The following HNRNPUL2 variants were observed in gnomAD, a reference collection of about 807,000 sequenced individuals.
HNRNPUL2 encodes heterogeneous nuclear ribonucleoprotein U like 2, also known as heterogeneous nuclear ribonucleoprotein U-like protein 2.
A neutral mutation model predicts 102.2 loss-of-function variants in HNRNPUL2; 27 were observed. The observed-to-expected ratio is 0.26, with a 90% CI of 0.19 to 0.36. The LOEUF (loss-of-function observed/expected upper bound fraction) is 0.36. Ranked by LOEUF, HNRNPUL2 falls within the 10% of genes least tolerant of loss-of-function variation. The probability of loss-of-function intolerance (pLI) is 1.00; values close to 1 mark genes in which losing one functional copy is unlikely to be tolerated. For synonymous variants in HNRNPUL2, 458 were observed against 387.2 expected (o/e 1.18, Z -2.15); for missense variants, 936 against 981.1 (o/e 0.95, Z 0.61).
At chr11:62,724,512 T>C in intron 1 of HNRNPUL2, 86 bp from the exon 2 acceptor site, 1 of 1,462,308 alleles carries the variant, frequency 6.8e-7, no homozygotes, top group Non-Finnish European at 9.5e-7. Context: ...ACAGGGAATC[T>C]GAGAATCTGT....
Position 62,715,586 on chromosome 11 carries a change from G to T in HNRNPUL2, c.2077C>A (p.Arg693=), listed in dbSNP as rs758028336. 1 of 1,612,562 alleles carries T rather than the reference G, an allele frequency of 6.2e-7. No homozygotes were observed. Among genetic ancestry groups the T allele is most frequent in the South Asian group, 1.1e-5 (1 of 91,012 alleles). The change falls in exon 13 of 14, where the codon CGA becomes AGA. Residue 693 remains arginine (R), a synonymous_variant. Coordinates refer to ENST00000301785, the MANE Select transcript of HNRNPUL2 (RefSeq NM_001079559.3). ...NRGGYRNFYD[R]YRGDYDRFYG... ...AATCGATCATAGTCTCCCCTGTATC[G>T]ATCATAGAAATTACGGTAACCCTGA...
In HNRNPUL2 at chr11:62,723,970, G is replaced by A; in HGVS notation, c.695C>T (p.Pro232Leu). The A allele has an allele frequency of 6.2e-7, 1 of 1,613,504 alleles. No individual in the cohort carries two copies. Among genetic ancestry groups the A allele is most frequent in the Non-Finnish European group, 8.5e-7 (1 of 1,179,408 alleles). The change falls in exon 3 of 14, where the codon CCT (proline) becomes CTT (leucine). Residue 232 changes from proline to leucine, a missense_variant. By Grantham distance (98) the Pro-to-Leu change is moderately conservative (BLOSUM62 -3). Around this residue, in one of 2 missense-constraint regions of HNRNPUL2, gnomAD observed 609 missense variants for 713.0 expected, o/e 0.85. Transcript: ENST00000301785. The stretch of plus-strand genomic sequence containing the variant: ...CTCCTCATCTTTTGCCTCTTCTTCA[G>A]GAGGCAGTGGAGACTTTGAGCTATA... The part of the protein sequence containing the change: ...YHSRSKSPLP[P>L]EEEAKDEEED...
intron 9 of HNRNPUL2, 128 bp downstream of exon 9, chr11:62,721,166 CA>C (rs2083699718): frequency 9.3e-6 from 8 of 859,490 alleles, no homozygotes; most frequent in Admixed American, 2.8e-5. Context: ...CCTCTGAGTT[CA>C]AAAAACATTG....
In HNRNPUL2 at chr11:62,722,099, G is replaced by A. The variant is rs374190723; in HGVS notation, c.1359+18C>T. The A allele has an allele frequency of 9.3e-6, 15 of 1,611,138 alleles. No homozygotes were observed. The highest frequency in any genetic ancestry group is 5.5e-5 in the South Asian group (5 of 90,972). The stretch of plus-strand genomic sequence containing the variant: ...TGCAAAGCATACAACCTCAGTGTTC[G>A]TATACTGTTTGGCATACCTCACATT... On this transcript the variant is annotated intron_variant, in intron 7 of 13. Transcript: ENST00000301785.
intron 1 of HNRNPUL2, among the ~76,000 whole-genome samples, chr11:62,726,291 T>C (rs1307399263): frequency 2.6e-5 from 4 of 152,138 alleles, no homozygotes; most frequent in Non-Finnish European, 5.9e-5. Flanking sequence ...CCCAATTGCT[T>C]AGCACTTTCT....
At chr11:62,719,056 G>A (rs552366204) in intron 10 of HNRNPUL2, among the ~76,000 whole-genome samples, 3 of 152,014 alleles carry the variant, frequency 2.0e-5, no homozygotes, top group Non-Finnish European at 4.4e-5. Flanking sequence ...GTGAGCTCCT[G>A]ACCTTGTAAT....
In HNRNPUL2 at chr11:62,722,655, T is replaced by C. The variant is rs2083712296; in HGVS notation, c.1041A>G (p.Gln347=). The change falls in exon 6 of 14, where the codon CAA becomes CAG. Residue 347 remains glutamine, a synonymous_variant. Transcript: ENST00000301785. ...CAAAAGTCTGGCCAAATTCCTCAAATTGTCCATTTTCTGCCTTGAGTCCTC... is the reference window on the plus strand; with the variant it reads ...CAAAAGTCTGGCCAAATTCCTCAAACTGTCCATTTTCTGCCTTGAGTCCTC... ...DGRGLKAENG[Q]FEEFGQTFGE... is the part of the protein sequence containing the mutation. 1 of 1,614,134 alleles carries C rather than the reference T, an allele frequency of 6.2e-7. No individual in the cohort carries two copies. Among genetic ancestry groups the C allele is most frequent in the Non-Finnish European group, 8.5e-7 (1 of 1,180,022 alleles).
In HNRNPUL2 at chr11:62,713,473, A is replaced by G. The variant is rs2083634410; in HGVS notation, c.*1826T>C. On this transcript the variant is annotated 3_prime_UTR_variant, in exon 14 of 14. Coordinates refer to ENST00000301785, the MANE Select transcript of HNRNPUL2 (RefSeq NM_001079559.3). ...TCACTCCACTGCCACACAGAAATCC[A>G]TTTGAGGACACCGCAGGGAAGCAGG... is the stretch of plus-strand genomic sequence containing the variant. 6.6e-6 allele frequency: 1 copy of G among 152,250 alleles called. No individual in the cohort carries two copies. Among genetic ancestry groups the G allele is most frequent in the South Asian group, 2.1e-4 (1 of 4,832 alleles). 9.4% of individuals were successfully genotyped at this position (152,250 alleles called of 1,614,324 possible).
At chr11:62,715,630 AG>A (rs1378260532) in intron 12 of HNRNPUL2, 23 bp from the exon 13 acceptor site, 1 of 1,575,844 alleles carries the variant, frequency 6.3e-7, no homozygotes, top group African/African-American at 1.3e-5. Flanking sequence ...AAGAAAAAGG[AG>A]TGAAGGTTTA....
At position 62,722,804 on chromosome 11, in the gene HNRNPUL2, T is replaced by A. The variant is rs779910540; in HGVS notation, c.982+9A>T. 6.2e-7 allele frequency: 1 copy of A among 1,613,438 alleles called. No homozygotes were observed. Among genetic ancestry groups the A allele is most frequent in the East Asian group, 2.2e-5 (1 of 44,862 alleles). ...AACACTAATGAGGAACTTAAAGAAA[T>A]AACTTTACCAAGCTGTGGACGGGAA... On this transcript the variant is annotated intron_variant, in intron 5 of 13. Coordinates refer to ENST00000301785, the MANE Select transcript of HNRNPUL2 (RefSeq NM_001079559.3).
At chr11:62,720,226 A>G in intron 9 of HNRNPUL2, 35 bp from the exon 10 acceptor site, 1 of 1,598,254 alleles carries the variant, frequency 6.3e-7, no homozygotes, top group Non-Finnish European at 8.6e-7. Flanking sequence ...GTTTAGGAAG[A>G]AAATTATCAC....
chr11:62,723,773 A>G (rs2083722707), intron 3 of HNRNPUL2, 47 bp from the exon 4 acceptor site: 1 of 1,612,674 alleles, frequency 6.2e-7, no homozygotes, highest in South Asian at 1.1e-5. Context: ...CAATACTTGT[A>G]AGCCGCCAAC....
chr11:62,722,374 C>T lies in HNRNPUL2; in HGVS notation c.1102G>A (p.Glu368Lys), dbSNP rs2083709520. The change falls in exon 7 of 14, where the codon GAG becomes AAG. Residue 368 changes from glutamate to lysine, a missense_variant. This residue lies in a region of HNRNPUL2 where 609 missense variants were observed against 713.0 expected (regional missense o/e 0.85). Transcript: ENST00000301785. ...NDVIGCFANFETEEVELSFSK... is the reference protein window; with the variant it reads ...NDVIGCFANFKTEEVELSFSK... ...AAGGAAAGTTCTACTTCTTCAGTCTCAAAATTCTACAATGACAAGGGACAA... is the reference window on the plus strand; with the variant it reads ...AAGGAAAGTTCTACTTCTTCAGTCTTAAAATTCTACAATGACAAGGGACAA... The T allele has an allele frequency of 1.9e-6, 3 of 1,613,432 alleles. No individual in the cohort carries two copies. The highest frequency in any genetic ancestry group is 2.5e-6 in the Non-Finnish European group (3 of 1,179,658).
At chr11:62,719,194 A>T (rs1259167319) in intron 10 of HNRNPUL2, among the ~76,000 whole-genome samples, 2 of 152,110 alleles carry the variant, frequency 1.3e-5, no homozygotes, top group African/African-American at 4.8e-5. Context: ...GTATGCCTAT[A>T]ATCTAAGCAC....
Position 62,723,988 on chromosome 11 carries a change from G to A in HNRNPUL2, c.677C>T (p.Ser226Leu), listed in dbSNP as rs780214569. ...TTCTTCAGGAGGCAGTGGAGACTTT[G>A]AGCTATATATGTAAGATAGAAAAGA... The part of the protein sequence containing the change: ...EFREEAYHSR[S>L]KSPLPPEEEA... The change falls in exon 3 of 14, where the codon TCA becomes TTA. Residue 226 changes from serine to leucine, a missense_variant and splice_region_variant. Around this residue, in one of 2 missense-constraint regions of HNRNPUL2, gnomAD observed 609 missense variants for 713.0 expected, o/e 0.85. Coordinates refer to ENST00000301785, the MANE Select transcript of HNRNPUL2 (RefSeq NM_001079559.3). The A allele has an allele frequency of 1.2e-6, 2 of 1,612,468 alleles. No individual in the cohort carries two copies. The highest frequency in any genetic ancestry group is 1.7e-6 in the Non-Finnish European group (2 of 1,178,566).
Position 62,722,908 on chromosome 11 carries a change from C to A in HNRNPUL2, c.892-5G>T. 6.2e-7 allele frequency: 1 copy of A among 1,612,776 alleles called. No homozygotes were observed. The highest frequency in any genetic ancestry group is 8.5e-7 in the Non-Finnish European group (1 of 1,178,864). ...CATTGGGAGATTCTGGGTTACCTGG[C>A]CAAGTCAGAAAGGGAACTATTAGAT... On this transcript the variant is annotated splice_region_variant and splice_polypyrimidine_tract_variant and intron_variant, in intron 4 of 13. Coordinates refer to ENST00000301785, the MANE Select transcript of HNRNPUL2 (RefSeq NM_001079559.3).
At position 62,727,381 on chromosome 11, in the gene HNRNPUL2, A is replaced by G. The variant is rs760211946; in HGVS notation, c.-225T>C. On this transcript the variant is annotated 5_prime_UTR_variant, in exon 1 of 14. Coordinates refer to ENST00000301785, the MANE Select transcript of HNRNPUL2 (RefSeq NM_001079559.3). ...TCCCCCTTTCGGCTCACGGAGCCCA[A>G]AACAACGCAGCAGGGAGCTGTTTCC... 1.9e-5 allele frequency: 9 copies of G among 472,664 alleles called. No individual in the cohort carries two copies. Among genetic ancestry groups the G allele is most frequent in the Non-Finnish European group, 2.2e-5 (7 of 311,538 alleles). The allele number at this position is 472,664 out of a possible 1,614,324, so 29.3% of individuals were successfully genotyped here. A position where few individuals can be genotyped will look rare whatever the true frequency, so the allele number is the denominator to read the frequency against.
Position 62,727,419 on chromosome 11 carries a change from T to A in HNRNPUL2, c.-263A>T. ...GGGAGCTGTTTCCCCTCCAGGCCCT[T>A]GGTTCCCCAGCCGCGGGCAGGCGCG... On this transcript the variant is annotated 5_prime_UTR_variant, in exon 1 of 14. Coordinates refer to ENST00000301785, the MANE Select transcript of HNRNPUL2 (RefSeq NM_001079559.3). 2.9e-6 allele frequency: 1 copy of A among 344,106 alleles called. No individual in the cohort carries two copies. Among genetic ancestry groups the A allele is most frequent in the Non-Finnish European group, 4.9e-6 (1 of 203,848 alleles). 21.3% of individuals were successfully genotyped at this position (344,106 alleles called of 1,614,324 possible).
Position 62,727,439 on chromosome 11 carries a change from G to C in HNRNPUL2, c.-283C>G. 3.3e-6 allele frequency: 1 copy of C among 300,352 alleles called. No individual in the cohort carries two copies. The highest frequency in any genetic ancestry group is 5.9e-6 in the Non-Finnish European group (1 of 168,850). 18.6% of individuals were successfully genotyped at this position (300,352 alleles called of 1,614,324 possible). ...GCCCTTGGTTCCCCAGCCGCGGGCA[G>C]GCGCGCGCGGAGGACGACGGAGTTC... On this transcript the variant is annotated 5_prime_UTR_variant, in exon 1 of 14. Coordinates refer to ENST00000301785, the MANE Select transcript of HNRNPUL2 (RefSeq NM_001079559.3).
Sources: allele counts gnomAD v4.1 joint callset (sites outside exome capture counted in the v4.1 genomes callset), GRCh38; gene constraint gnomAD v4.1.1; regional missense constraint gnomAD v4.1.1; transcripts MANE v1.5; gene names NCBI Gene and HGNC (gene_info 2026-07-23, HGNC 2026-07-21).